Variants in SLC5A5 observed in about 807,000 individuals in gnomAD.
The protein encoded by SLC5A5 is sodium/iodide cotransporter.
SLC5A5 carries 56 observed loss-of-function variants against 68.6 expected under a neutral mutation model. The observed-to-expected ratio is 0.82, with a 90% confidence interval of 0.66 to 1.02. The LOEUF is 1.02. SLC5A5 is among the 50% of genes least tolerant of loss of function. The probability of loss-of-function intolerance (pLI) is 0.00; values close to 1 mark genes in which losing one functional copy is unlikely to be tolerated. For synonymous variants in SLC5A5, 398 were observed against 373.0 expected (o/e 1.07, Z -0.77); for missense variants, 807 against 859.8 (o/e 0.94, Z 0.77).
In SLC5A5 at chr19:17,894,883, T is replaced by A. The variant is rs1157922415; in HGVS notation, c.*1006T>A. On this transcript the variant is annotated 3_prime_UTR_variant, in exon 15 of 15. Transcript: ENST00000222248. ...GTAACTGGTTAAATTAAAAGAGGTATTACTGGAGGAGGATGGATGAATCCA... is the reference window on the plus strand; with the variant it reads ...GTAACTGGTTAAATTAAAAGAGGTAATACTGGAGGAGGATGGATGAATCCA... 2 of 152,130 alleles carry A rather than the reference T, an allele frequency of 1.3e-5. No homozygotes were observed. The highest frequency in any genetic ancestry group is 6.6e-5 in the Admixed American group (1 of 15,246). The allele number at this position is 152,130 out of a possible 1,614,324, so 9.4% of individuals were successfully genotyped here.
intron 4 of SLC5A5, 78 bp from the exon 5 acceptor site, chr19:17,875,874 G>A (rs2094305652): frequency 7.5e-7 from 1 of 1,340,756 alleles, no homozygotes; most frequent in Non-Finnish European, 1.1e-6. Context: ...GGCATAGAAG[G>A]GCATCAGTCC....
chr19:17,875,924 C>A, intron 4 of SLC5A5, 28 bp from the exon 5 acceptor site: 1 of 1,613,808 alleles, frequency 6.2e-7, no homozygotes, highest in South Asian at 1.1e-5. Context: ...CTAACCGCCC[C>A]TCTCCCTCTC....
chr19:17,889,413 A>AGAAAGAAGGAAG (rs1555754784), intron 13 of SLC5A5, among the ~76,000 whole-genome samples: 1 of 137,608 alleles, frequency 7.3e-6, no homozygotes, highest in African/African-American at 3.1e-5. Flanking sequence ...AAAGAAAGAA[A>AGAAAGAAGGAAG]GAAGGAAGGA....
chr19:17,872,093 A>G lies in SLC5A5; in HGVS notation c.-227A>G. ...ACAGACAGCAGGGGCGGACGCAGAGACAGACAGCGGGGACAGGGAGGCCGA... is the reference window on the plus strand; with the variant it reads ...ACAGACAGCAGGGGCGGACGCAGAGGCAGACAGCGGGGACAGGGAGGCCGA... On this transcript the variant is annotated 5_prime_UTR_variant, in exon 1 of 15. Coordinates refer to ENST00000222248, the MANE Select transcript of SLC5A5 (RefSeq NM_000453.3). 1.8e-6 allele frequency: 1 copy of G among 569,190 alleles called. No individual in the cohort carries two copies. The highest frequency in any genetic ancestry group is 3.0e-5 in the East Asian group (1 of 32,816). The allele number at this position is 569,190 out of a possible 1,614,324, so 35.3% of individuals were successfully genotyped here. A position where few individuals can be genotyped will look rare whatever the true frequency, so the allele number is the denominator to read the frequency against.
rs1170976184 is a variant in SLC5A5, at chr19:17,874,215, C to T, written c.423+12C>T. ...ACATTGTAGCCACGGTGAGTGGCCTCGGCCCCGCCCTCCGCTCAGGGCCCC... is the reference window on the plus strand; with the variant it reads ...ACATTGTAGCCACGGTGAGTGGCCTTGGCCCCGCCCTCCGCTCAGGGCCCC... On this transcript the variant is annotated intron_variant, in intron 2 of 14. Coordinates refer to ENST00000222248, the MANE Select transcript of SLC5A5 (RefSeq NM_000453.3). 1.3e-6 allele frequency: 2 copies of T among 1,590,506 alleles called. No homozygotes were observed. Among genetic ancestry groups the T allele is most frequent in the South Asian group, 1.1e-5 (1 of 90,604 alleles).
At chr19:17,874,321 C>T in intron 2 of SLC5A5, 118 bp downstream of exon 2, 1 of 734,616 alleles carries the variant, frequency 1.4e-6, no homozygotes, top group Non-Finnish European at 2.3e-6. Flanking sequence ...CCGTTCTGAC[C>T]CCGCCCCCAT....
At chr19:17,887,937 T>A (rs1319608172) in intron 12 of SLC5A5, among the ~76,000 whole-genome samples, 1 of 152,098 alleles carries the variant, frequency 6.6e-6, no homozygotes, top group Admixed American at 6.6e-5. Context: ...TCCAATTGAT[T>A]TATTTTTTTC....
Position 17,876,043 on chromosome 19 carries a change from T to C in SLC5A5, c.635T>C (p.Leu212Pro). ...FWVVLARGVMLVGGPRQVLTL... is the reference protein window; with the variant it reads ...FWVVLARGVMPVGGPRQVLTL... Reference sequence around the variant, plus strand: ...GTTGTCCTGGCACGCGGTGTCATGCTTGTGGGCGGGCCCCGCCAGGTGCTC... The same window carrying C: ...GTTGTCCTGGCACGCGGTGTCATGCCTGTGGGCGGGCCCCGCCAGGTGCTC... Residue 212 changes from leucine (L) to proline (P), a missense_variant, in exon 5 of 15, where the codon CTT becomes CCT. Coordinates refer to ENST00000222248, the MANE Select transcript of SLC5A5 (RefSeq NM_000453.3). 6.2e-7 allele frequency: 1 copy of C among 1,614,192 alleles called. No homozygotes were observed. The highest frequency in any genetic ancestry group is 1.1e-5 in the South Asian group (1 of 91,084).
In SLC5A5 at chr19:17,872,623, G is replaced by T. The variant is rs1008158100; in HGVS notation, c.304G>T (p.Ala102Ser). 3.1e-6 allele frequency: 5 copies of T among 1,611,444 alleles called. No individual in the cohort carries two copies. Among genetic ancestry groups the T allele is most frequent in the Non-Finnish European group, 4.2e-6 (5 of 1,179,662 alleles). ...LGQLLNSVLT[A>S]LLFMPVFYRL... ...CCAGCTTCTGAACTCGGTCCTCACCGCCCTGCTCTTCATGCCCGTCTTCTA... is the reference window on the plus strand; with the variant it reads ...CCAGCTTCTGAACTCGGTCCTCACCTCCCTGCTCTTCATGCCCGTCTTCTA... Residue 102 changes from alanine to serine, a missense_variant, in exon 1 of 15, where the codon GCC becomes TCC. Ala to Ser is a moderately conservative substitution (Grantham distance 99). Transcript: ENST00000222248.
rs887218845 is a variant in SLC5A5, at chr19:17,877,619, C to T, written c.699-104C>T. 8 of 1,463,132 alleles carry T rather than the reference C, an allele frequency of 5.5e-6. No individual in the cohort carries two copies. In the Admixed American group the frequency reaches 9.7e-5, roughly 18 times the overall value. The allele number at this position is 1,463,132 out of a possible 1,614,324, so 90.6% of individuals were successfully genotyped here. On this transcript the variant is annotated intron_variant, in intron 5 of 14. Transcript: ENST00000222248. Reference sequence around the variant, plus strand: ...CACTGCGCCTGGCCAACAAAACCCACTCCAAATGTCCCCTATAAGGTCCAG... The same window carrying T: ...CACTGCGCCTGGCCAACAAAACCCATTCCAAATGTCCCCTATAAGGTCCAG...
At position 17,881,941 on chromosome 19, in the gene SLC5A5, C is replaced by A. The variant is rs571360540; in HGVS notation, c.1059-19C>A. The A allele has an allele frequency of 8.2e-6, 13 of 1,589,026 alleles. No homozygotes were observed. In the Middle Eastern group the frequency reaches 8.3e-4, roughly 101 times the overall value. On this transcript the variant is annotated intron_variant, in intron 8 of 14. Coordinates refer to ENST00000222248, the MANE Select transcript of SLC5A5 (RefSeq NM_000453.3). ...CTCTCCATATGGCCTGAGGACCCCCCGCTGCCTTCCTCACACAGCACAGCA... is the reference window on the plus strand; with the variant it reads ...CTCTCCATATGGCCTGAGGACCCCCAGCTGCCTTCCTCACACAGCACAGCA...
intron 10 of SLC5A5, among the ~76,000 whole-genome samples, 156 bp from the exon 11 acceptor site, chr19:17,883,525 G>C (rs543601372): frequency 3.3e-5 from 5 of 151,980 alleles, no homozygotes; most frequent in South Asian, 4.1e-4. Context: ...AGGAACAAGG[G>C]GGGGGGGTCC....
intron 12 of SLC5A5, among the ~76,000 whole-genome samples, chr19:17,884,967 TAC>T (rs2094329962): frequency 6.6e-6 from 1 of 151,006 alleles, no homozygotes; most frequent in South Asian, 2.1e-4. Flanking sequence ...ATGCTGGGAT[TAC>T]AGGTGTGAGC....
At position 17,877,765 on chromosome 19, in the gene SLC5A5, T is replaced by G; in HGVS notation, c.741T>G (p.Phe247Leu). 1 of 1,614,244 alleles carries G rather than the reference T, an allele frequency of 6.2e-7. No individual in the cohort carries two copies. The highest frequency in any genetic ancestry group is 1.3e-5 in the African/African-American group (1 of 75,072). The change falls in exon 6 of 15, where the codon TTT (phenylalanine) becomes TTG (leucine). Residue 247 changes from phenylalanine to leucine, a missense_variant. Physicochemically the swap from Phe to Leu is conservative, Grantham distance 22. Transcript: ENST00000222248. The stretch of plus-strand genomic sequence containing the variant: ...GGAGCCGCTATACATTCTGGACTTT[T>G]GTGGTGGGTGGCACGTTGGTGTGGC... ...DPRSRYTFWT[F>L]VVGGTLVWLS...
chr19:17,874,201 A>C lies in SLC5A5; in HGVS notation c.421A>C (p.Thr141Pro). Residue 141 changes from threonine (T) to proline (P), a missense_variant and splice_region_variant, in exon 2 of 15, where the codon ACG becomes CCG. Coordinates refer to ENST00000222248, the MANE Select transcript of SLC5A5 (RefSeq NM_000453.3). The part of the protein sequence containing the change: ...LCGTLQYIVA[T>P]MLYTGIVIYA... ...CGGGACTTTGCAGTACATTGTAGCC[A>C]CGGTGAGTGGCCTCGGCCCCGCCCT... is the stretch of plus-strand genomic sequence containing the variant. 2 of 1,606,852 alleles carry C rather than the reference A, an allele frequency of 1.2e-6. No homozygotes were observed. The highest frequency in any genetic ancestry group is 2.2e-5 in the South Asian group (2 of 90,944).
At chr19:17,888,204 C>G in intron 12 of SLC5A5, 127 bp from the exon 13 acceptor site, 2 of 1,145,784 alleles carry the variant, frequency 1.7e-6, no homozygotes, top group Non-Finnish European at 2.6e-6. Flanking sequence ...TCTGGGCAGA[C>G]AGTAATGGAG....
chr19:17,883,805 G>A lies in SLC5A5; in HGVS notation c.1329+38G>A, dbSNP rs893706624. 7 of 1,601,818 alleles carry A rather than the reference G, an allele frequency of 4.4e-6. No individual in the cohort carries two copies. In the South Asian group the frequency reaches 5.5e-5, roughly 13 times the overall value. On this transcript the variant is annotated intron_variant, in intron 11 of 14. Coordinates refer to ENST00000222248, the MANE Select transcript of SLC5A5 (RefSeq NM_000453.3). ...GGGGCAAGGGGCGGGGAGGGGCGGGGCCGGACAGGCCCCTCCCCTTCCCTG... is the reference window on the plus strand; with the variant it reads ...GGGGCAAGGGGCGGGGAGGGGCGGGACCGGACAGGCCCCTCCCCTTCCCTG...
chr19:17,890,905 C>T lies in SLC5A5; in HGVS notation c.1671C>T (p.Thr557=). ...SCLTGPTKRS[T]LAPGLLWWDL... ...TCTCAGGCCCCACCAAGCGCAGCAC[C>T]CTGGCCCCGGGATTGTTGTGGTGGG... The change falls in exon 14 of 15, where the codon ACC becomes ACT. Residue 557 remains threonine, a synonymous_variant. Transcript: ENST00000222248. 1.2e-6 allele frequency: 2 copies of T among 1,613,884 alleles called. No homozygotes were observed. Among genetic ancestry groups the T allele is most frequent in the Non-Finnish European group, 1.7e-6 (2 of 1,179,874 alleles).
At chr19:17,884,360 C>A (rs1028341511) in intron 12 of SLC5A5, among the ~76,000 whole-genome samples, 2 of 152,102 alleles carry the variant, frequency 1.3e-5, no homozygotes, top group African/African-American at 4.8e-5. Context: ...TGCAGGGGTG[C>A]AATCTCAGCT....
Sources: gnomAD v4.1 joint callset for allele counts (sites outside exome capture counted in the v4.1 genomes callset) on GRCh38, gnomAD v4.1.1 for gene constraint, MANE v1.5 for transcripts, NCBI Gene and HGNC (gene_info 2026-07-23, HGNC 2026-07-21) for gene names.